The following MYO16 variants were observed in gnomAD, a reference collection of about 807,000 sequenced individuals.
The protein encoded by MYO16 is unconventional myosin-XVI.
MYO16 carries 94 observed loss-of-function variants against 205.3 expected under a neutral mutation model. The ratio of observed to expected loss-of-function variants is 0.46; its 90% CI spans 0.39 to 0.54. The LOEUF (loss-of-function observed/expected upper bound fraction) is 0.54, where lower values mean the gene tolerates loss of function less well. Ranked by LOEUF, MYO16 falls within the 20% of genes least tolerant of loss-of-function variation. The pLI is 0.00. For missense variants in MYO16, 2,315 were observed against 2,387.5 expected (o/e 0.97, Z 0.63); for synonymous variants, 988 against 954.0 (o/e 1.04, Z -0.66).
chr13:108,510,459 C>T, the MYO16 span, among the ~76,000 whole-genome samples: 4 of 25,392 alleles, frequency 1.6e-4, no homozygotes, highest in Admixed American at 1.1e-3. Flanking sequence ...ACATTGATAG[C>T]TGTTTTTTTT....
At chr13:108,643,738 T>C (rs1318931234) in intron 1 of MYO16, among the ~76,000 whole-genome samples, 1 of 152,214 alleles carries the variant, frequency 6.6e-6, no homozygotes, top group Non-Finnish European at 1.5e-5. Context: ...TTGGGGCTAT[T>C]ATGAGTAGAG....
the MYO16 span, among the ~76,000 whole-genome samples, chr13:108,567,928 A>G: frequency 1.3e-5 from 2 of 151,994 alleles, no homozygotes; most frequent in Admixed American, 1.3e-4. Context: ...CCTCACCTAT[A>G]CTGAACATTT....
In MYO16 at chr13:108,691,133, C is replaced by T. The variant is rs74791469; in HGVS notation, c.293-21528C>T. On this transcript the variant is annotated intron_variant, in intron 2 of 34. Transcript: ENST00000457511. ...AGTTAGAATCAGCCTCAAATCTTCA[C>T]AGCATGTACAGTTGCAAGGCATTGC... Among the ~76,000 whole-genome samples, 238 of 152,262 alleles carry T rather than the reference C, an allele frequency of 1.6e-3. 2 individuals are homozygous for T. The highest frequency in any genetic ancestry group is 5.6e-3 in the African/African-American group (231 of 41,530).
chr13:109,037,303 G>C (rs2139570401), intron 23 of MYO16, among the ~76,000 whole-genome samples: 1 of 152,310 alleles, frequency 6.6e-6, no homozygotes. Flanking sequence ...TGAAGTCCAG[G>C]TGCTGCGTAT....
intron 22 of MYO16, 94 bp downstream of exon 22, chr13:109,009,143 G>T: frequency 2.0e-6 from 2 of 1,024,726 alleles, no homozygotes; most frequent in Non-Finnish European, 2.7e-6. Flanking sequence ...TTATTTTTGA[G>T]ATATCTTTAT....
intron 14 of MYO16, among the ~76,000 whole-genome samples, chr13:108,893,994 AAGG>A (rs1360582852): frequency 3.3e-5 from 5 of 152,208 alleles, no homozygotes; most frequent in Non-Finnish European, 1.5e-5. Flanking sequence ...TTTTTAAAAA[AAGG>A]AGGTTTAATT....
chr13:108,752,188 G>C (rs1421781864), intron 4 of MYO16, among the ~76,000 whole-genome samples: 1 of 152,018 alleles, frequency 6.6e-6, no homozygotes, highest in African/African-American at 2.4e-5. Flanking sequence ...TTTAAATGTG[G>C]GTTTTCCAAC....
At chr13:109,185,728 A>G (rs1056565239) in intron 34 of MYO16, among the ~76,000 whole-genome samples, 1 of 152,190 alleles carries the variant, frequency 6.6e-6, no homozygotes, top group African/African-American at 2.4e-5. Context: ...CTAGCTCTCA[A>G]TCTCATCCCT....
intron 9 of MYO16, among the ~76,000 whole-genome samples, chr13:108,833,437 G>A (rs1006025986): frequency 1.3e-5 from 2 of 152,124 alleles, no homozygotes; most frequent in African/African-American, 4.8e-5. Context: ...ATGTAGCTAT[G>A]TTTGTAGGAG....
At chr13:108,617,768 T>C (rs908027128) in intron 1 of MYO16, among the ~76,000 whole-genome samples, 3 of 152,196 alleles carry the variant, frequency 2.0e-5, no homozygotes, top group Admixed American at 6.5e-5. Flanking sequence ...GGGATGGTTT[T>C]ACAGGGAGCC....
In MYO16 at chr13:108,896,784, C is replaced by T. The variant is rs550382776; in HGVS notation, c.1660-1232C>T. Among the ~76,000 whole-genome samples the T allele has an allele frequency of 1.3e-3, 191 of 152,250 alleles. 2 individuals carry two copies. In the South Asian group the frequency reaches 0.022, roughly 18 times the overall value. ...AGGAGTTTGAGACCAGCCTGGCCAA[C>T]ATGGCGAAACCCTGTCTCTACTACT... is the stretch of plus-strand genomic sequence containing the variant. On this transcript the variant is annotated intron_variant, in intron 14 of 34. Transcript: ENST00000457511.
rs985730373 is a variant in MYO16 at position 108,806,791 on chromosome 13, C to A, written c.854C>A (p.Ala285Asp). Residue 285 changes from alanine (A) to aspartate (D), a missense_variant, in exon 7 of 35, where the codon GCC (alanine) becomes GAC (aspartate). Coordinates refer to ENST00000457511, the MANE Select transcript of MYO16 (RefSeq NM_001198950.3). The stretch of plus-strand genomic sequence containing the variant: ...TACTGGACTCCCCTCCACTTGGCAG[C>A]CAAATATGGCCAGGTAGAGTGATTT... ...DQYWTPLHLA[A>D]KYGQTNLVKL... 2 of 1,545,752 alleles carry A rather than the reference C, an allele frequency of 1.3e-6. No individual in the cohort carries two copies. Among genetic ancestry groups the A allele is most frequent in the African/African-American group, 2.7e-5 (2 of 74,110 alleles).
chr13:108,538,367 A>C, the MYO16 span, among the ~76,000 whole-genome samples: 505 of 152,226 alleles, frequency 3.3e-3, 10 homozygotes, highest in South Asian at 0.056. Context: ...AACCAATGTT[A>C]AACAAGGTAA....
chr13:109,133,111 G>T (rs910439496), intron 31 of MYO16, among the ~76,000 whole-genome samples: 1 of 152,188 alleles, frequency 6.6e-6, no homozygotes. Flanking sequence ...ACAAAGTTGC[G>T]ACATATGACA....
chr13:108,522,546 C>G, the MYO16 span, among the ~76,000 whole-genome samples: 1 of 152,214 alleles, frequency 6.6e-6, no homozygotes, highest in African/African-American at 2.4e-5. Context: ...TAAATTGACT[C>G]CAATAAATTT....
chr13:108,873,427 A>G (rs1879161197), intron 12 of MYO16, among the ~76,000 whole-genome samples: 1 of 152,208 alleles, frequency 6.6e-6, no homozygotes, highest in African/African-American at 2.4e-5. Flanking sequence ...GACGGAGAAC[A>G]CTCTTGAGGC....
the MYO16 span, among the ~76,000 whole-genome samples, chr13:108,556,635 G>A: frequency 6.6e-6 from 1 of 152,002 alleles, no homozygotes; most frequent in Non-Finnish European, 1.5e-5. Flanking sequence ...ATTTTAATTT[G>A]ACACAATCCC....
chr13:108,506,284 A>G, the MYO16 span, among the ~76,000 whole-genome samples: 1 of 152,126 alleles, frequency 6.6e-6, no homozygotes, highest in South Asian at 2.1e-4. Context: ...AAGTCTTCCA[A>G]TCCATGAATA....
At chr13:109,006,329 T>C (rs1885384884) in intron 21 of MYO16, among the ~76,000 whole-genome samples, 2 of 152,304 alleles carry the variant, frequency 1.3e-5, no homozygotes, top group East Asian at 1.9e-4. Flanking sequence ...AACCTTCGCC[T>C]CCCAGGTTCA....
Sources: gnomAD v4.1 joint callset for allele counts (sites outside exome capture counted in the v4.1 genomes callset) on GRCh38, gnomAD v4.1.1 for gene constraint, MANE v1.5 for transcripts, NCBI Gene and HGNC (gene_info 2026-07-23, HGNC 2026-07-21) for gene names.